The following KMT2A variants were observed in gnomAD, a reference collection of about 807,000 sequenced individuals.
The protein encoded by KMT2A is histone-lysine N-methyltransferase 2A.
Under a neutral mutation model 345.3 loss-of-function variants are expected in KMT2A, and 16 were observed. The observed-to-expected ratio is 0.05, with a 90% CI of 0.03 to 0.07. The LOEUF is 0.07. Among genes scored for constraint, KMT2A ranks in the 10% least tolerant of loss-of-function variants. The pLI, the probability that KMT2A is intolerant of heterozygous loss-of-function variation, is 1.00. For synonymous variants in KMT2A, 1,599 were observed against 1,778.6 expected (o/e 0.90, Z 2.54); for missense variants, 3,272 against 4,841.6 (o/e 0.68, Z 9.62).
rs2134266153 is a variant in KMT2A, at chr11:118,473,241, C to T, written c.2082C>T (p.Ser694=). The change falls in exon 3 of 36, where the codon AGC becomes AGT. Residue 694 remains serine, a synonymous_variant. Coordinates refer to ENST00000534358, the MANE Select transcript of KMT2A (RefSeq NM_001197104.2). This position sits in a 1 kb window ranked among gnomAD's most constrained non-coding sequence, Gnocchi z 5.2. ...SGTRFDMHKR[S]PLLRAPRFTP... The stretch of plus-strand genomic sequence containing the variant: ...CAAGGTTTGATATGCACAAAAGGAG[C>T]CCTCTTCTGAGAGCTCCAAGATTTA... 2 of 1,610,768 alleles carry T rather than the reference C, an allele frequency of 1.2e-6. No individual in the cohort carries two copies. The highest frequency in any genetic ancestry group is 2.2e-5 in the South Asian group (2 of 90,664).
chr11:118,504,060 T>G lies in KMT2A; in HGVS notation c.8168T>G (p.Val2723Gly). The G allele has an allele frequency of 6.2e-7, 1 of 1,614,160 alleles. No individual in the cohort carries two copies. Among genetic ancestry groups the G allele is most frequent in the Non-Finnish European group, 8.5e-7 (1 of 1,180,030 alleles). The stretch of plus-strand genomic sequence containing the variant: ...CCAAAAATCTCACAGTTGGATGGTG[T>G]TGATGATGGGACAGAGAGTGATACT... ...DLPKISQLDG[V>G]DDGTESDTSV... The change falls in exon 27 of 36, where the codon GTT (valine) becomes GGT (glycine). Residue 2723 changes from valine to glycine, a missense_variant. By Grantham distance (109) the Val-to-Gly change is moderately radical. Transcript: ENST00000534358. The surrounding 1 kb of genome is among the most constrained non-coding windows in gnomAD (Gnocchi z 6.4).
Position 118,496,177 on chromosome 11 carries a change from T to G in KMT2A, c.5558-84T>G. 1 of 1,053,508 alleles carries G rather than the reference T, an allele frequency of 9.5e-7. No individual in the cohort carries two copies. Among genetic ancestry groups the G allele is most frequent in the Non-Finnish European group, 1.5e-6 (1 of 678,252 alleles). The allele number at this position is 1,053,508 out of a possible 1,614,324, so 65.3% of individuals were successfully genotyped here. ...GCTGTGGGCTATGTAAGCTGAATTA[T>G]TTCTTTTTTCCTTGAAATCAGACAT... On this transcript the variant is annotated intron_variant, in intron 19 of 35. Transcript: ENST00000534358. The surrounding 1 kb of genome is among the most constrained non-coding windows in gnomAD (Gnocchi z 4.7).
chr11:118,462,781 C>G (rs1435642513), intron 1 of KMT2A, among the ~76,000 whole-genome samples: 1 of 152,166 alleles, frequency 6.6e-6, no homozygotes, highest in African/African-American at 2.4e-5. Flanking sequence ...CCAGGATGGT[C>G]TCGATCTCCT....
Position 118,472,773 on chromosome 11 carries a change from T to G in KMT2A, c.1614T>G (p.Phe538Leu). 6.2e-7 allele frequency: 1 copy of G among 1,613,738 alleles called. No homozygotes were observed. Among genetic ancestry groups the G allele is most frequent in the South Asian group, 1.1e-5 (1 of 91,054 alleles). ...GGTATTCAGTGTCGGAGAGAAGTTT[T>G]GGATCTAGAACGACGAAAAAATTAT... is the stretch of plus-strand genomic sequence containing the variant. ...SRRYSVSERS[F>L]GSRTTKKLST... The change falls in exon 3 of 36, where the codon TTT becomes TTG. Residue 538 changes from phenylalanine (F) to leucine (L), a missense_variant. Phe to Leu is a conservative substitution (Grantham distance 22). Around this residue, in one of 27 missense-constraint regions of KMT2A, gnomAD observed 180 missense variants for 190.7 expected, o/e 0.94. Transcript: ENST00000534358.
chr11:118,495,390 T>C lies in KMT2A; in HGVS notation c.5364-310T>C, dbSNP rs1950392054. ...CCAGGATGGTCTTGATCTCTTGACCTGGTGATCCGCCTGCCTCACCCTCCC... is the reference window on the plus strand; with the variant it reads ...CCAGGATGGTCTTGATCTCTTGACCCGGTGATCCGCCTGCCTCACCCTCCC... On this transcript the variant is annotated intron_variant, in intron 18 of 35. Transcript: ENST00000534358. The surrounding 1 kb of genome is among the most constrained non-coding windows in gnomAD (Gnocchi z 4.1). 6.6e-6 allele frequency among the ~76,000 whole-genome samples: 1 copy of C among 152,118 alleles called. No homozygotes were observed. Among genetic ancestry groups the C allele is most frequent in the Non-Finnish European group, 1.5e-5 (1 of 68,026 alleles).
intron 31 of KMT2A, chr11:118,519,375 T>C (rs1591307536): frequency 2.3e-6 from 1 of 437,724 alleles, no homozygotes; most frequent in Non-Finnish European, 4.2e-6. Context: ...TAAAGCAAAA[T>C]AGTCCATAGT....
chr11:118,443,875 A>G (rs368516469), intron 1 of KMT2A, among the ~76,000 whole-genome samples: 7 of 151,990 alleles, frequency 4.6e-5, no homozygotes, highest in East Asian at 3.9e-4. Flanking sequence ...TGTTTTATCC[A>G]TTTTCTTGCA....
chr11:118,480,099 GACAAAATGA>G, intron 5 of KMT2A, 66 bp from the exon 6 acceptor site: 1 of 1,179,270 alleles, frequency 8.5e-7, no homozygotes, highest in East Asian at 2.4e-5. Context: ...GATTGTTGCA[GACAAAATGA>G]ACACTTGTTT....
chr11:118,477,666 C>T (rs1555037951), intron 4 of KMT2A, among the ~76,000 whole-genome samples: 1 of 151,220 alleles, frequency 6.6e-6, no homozygotes, highest in African/African-American at 2.4e-5. Flanking sequence ...TGCCACCATG[C>T]CTGGCTAATT....
At chr11:118,459,297 C>T (rs1949703091) in intron 1 of KMT2A, among the ~76,000 whole-genome samples, 2 of 152,074 alleles carry the variant, frequency 1.3e-5, no homozygotes, top group Non-Finnish European at 2.9e-5. Flanking sequence ...TGAACTCTGG[C>T]CTCAAGTGAT....
At chr11:118,508,649 G>A (rs1950630496) in intron 28 of KMT2A, among the ~76,000 whole-genome samples, 1 of 151,762 alleles carries the variant, frequency 6.6e-6, no homozygotes, top group Non-Finnish European at 1.5e-5. Context: ...CTTGAGCCTG[G>A]GAGTTGGAGG....
rs2134394823 is a variant in KMT2A at position 118,503,754 on chromosome 11, G to A, written c.7862G>A (p.Arg2621His). 1 of 1,614,158 alleles carries A rather than the reference G, an allele frequency of 6.2e-7. No individual in the cohort carries two copies. The change falls in exon 27 of 36, where the codon CGT becomes CAT. Residue 2621 changes from arginine (R) to histidine (H), a missense_variant. Around this residue, in one of 27 missense-constraint regions of KMT2A, gnomAD observed 21 missense variants for 74.6 expected, o/e 0.28. Transcript: ENST00000534358. This position sits in a 1 kb window ranked among gnomAD's most constrained non-coding sequence, Gnocchi z 5.3. The stretch of plus-strand genomic sequence containing the variant: ...GGCTCTTTTAAAAGGAGGTATCCCC[G>A]TCGCAGTGCCCGTGCACGTTCTAAC... ...EDGSFKRRYP[R>H]RSARARSNMF...
chr11:118,450,922 C>G (rs1949522630), intron 1 of KMT2A, among the ~76,000 whole-genome samples: 1 of 152,184 alleles, frequency 6.6e-6, no homozygotes, highest in Admixed American at 6.5e-5. Flanking sequence ...GTATATTATA[C>G]TTTTCTTACT....
rs2134430851 is a variant in KMT2A, at chr11:118,509,965, G to A, written c.10918G>A (p.Glu3640Lys). 1 of 1,610,262 alleles carries A rather than the reference G, an allele frequency of 6.2e-7. No homozygotes were observed. Among genetic ancestry groups the A allele is most frequent in the Non-Finnish European group, 8.5e-7 (1 of 1,178,000 alleles). Residue 3640 changes from glutamate (E) to lysine (K), a missense_variant, in exon 30 of 36, where the codon GAA becomes AAA. Physicochemically the swap from Glu to Lys is moderately conservative, Grantham distance 56. Coordinates refer to ENST00000534358, the MANE Select transcript of KMT2A (RefSeq NM_001197104.2). ...QESAEPKTVE[E>K]EESNFSSPLM... ...CCTATTAGAACCTAAAACAGTGGAA[G>A]AAGAGGAAAGTAATTTCAGCTCCCC...
At chr11:118,439,529 C>T (rs1367502402) in intron 1 of KMT2A, among the ~76,000 whole-genome samples, 2 of 152,144 alleles carry the variant, frequency 1.3e-5, no homozygotes, top group Non-Finnish European at 2.9e-5. Flanking sequence ...ATCTGTTGGT[C>T]TTTGACAAAT....
In KMT2A at chr11:118,510,202, G is replaced by A. The variant is rs1555049730; in HGVS notation, c.11071+84G>A. The A allele has an allele frequency of 1.7e-6, 2 of 1,149,744 alleles. No homozygotes were observed. Among genetic ancestry groups the A allele is most frequent in the African/African-American group, 3.1e-5 (2 of 63,590 alleles). The allele number at this position is 1,149,744 out of a possible 1,614,324, so 71.2% of individuals were successfully genotyped here. On this transcript the variant is annotated intron_variant, in intron 30 of 35. Transcript: ENST00000534358. The surrounding 1 kb of genome is among the most constrained non-coding windows in gnomAD (Gnocchi z 4.1). ...ATTTTCTGAGTATTAGCACCATTTA[G>A]GTGGCTGTTTTATGCTAGATGGTAG...
At chr11:118,452,716 C>A (rs893531920) in intron 1 of KMT2A, among the ~76,000 whole-genome samples, 1 of 151,732 alleles carries the variant, frequency 6.6e-6, no homozygotes, top group African/African-American at 2.4e-5. Context: ...TCACAGCAAC[C>A]TCCGCCTCCT....
Position 118,520,975 on chromosome 11 carries a change from T to G in KMT2A, c.11513+90T>G, listed in dbSNP as rs1950954469. On this transcript the variant is annotated intron_variant, in intron 34 of 35. Transcript: ENST00000534358. The surrounding 1 kb of genome is among the most constrained non-coding windows in gnomAD (Gnocchi z 4.3). ...CAAATGCTGGAGTGACCTTCCTCAC[T>G]CAGTAAGTGAGGATTTTACGGACAC... 2 of 958,076 alleles carry G rather than the reference T, an allele frequency of 2.1e-6. No homozygotes were observed. The highest frequency in any genetic ancestry group is 1.9e-5 in the Admixed American group (1 of 52,558). 59.3% of individuals were successfully genotyped at this position (958,076 alleles called of 1,614,324 possible).
intron 2 of KMT2A, among the ~76,000 whole-genome samples, chr11:118,470,043 G>A (rs962625709): frequency 6.6e-6 from 1 of 152,158 alleles, no homozygotes; most frequent in African/African-American, 2.4e-5. Context: ...AAAAAATGAG[G>A]TCCATGAAAT....
Sources: gnomAD v4.1 joint callset for allele counts (sites outside exome capture counted in the v4.1 genomes callset) on GRCh38, gnomAD v4.1.1 for gene constraint, gnomAD v4.1.1 regional missense constraint, Gnocchi (gnomAD v3.1) non-coding constraint, MANE v1.5 for transcripts, NCBI Gene and HGNC (gene_info 2026-07-23, HGNC 2026-07-21) for gene names.